Variants in EXD2 observed in about 807,000 individuals in gnomAD.
EXD2 encodes exonuclease 3'-5' domain-containing protein 2.
A neutral mutation model predicts 62.5 loss-of-function variants in EXD2; 40 were observed. The observed-to-expected ratio is 0.64, with a 90% CI of 0.50 to 0.83. The LOEUF (loss-of-function observed/expected upper bound fraction) is 0.83, where lower values mean the gene tolerates loss of function less well. Among genes scored for constraint, EXD2 ranks in the 40% least tolerant of loss-of-function variants. The pLI, the probability that EXD2 is intolerant of heterozygous loss-of-function variation, is 0.00. For synonymous variants in EXD2, 239 were observed against 291.9 expected (o/e 0.82, Z 1.85); for missense variants, 671 against 761.8 (o/e 0.88, Z 1.40).
chr14:69,223,404 A>G (rs1179264517), intron 3 of EXD2, among the ~76,000 whole-genome samples: 1 of 152,200 alleles, frequency 6.6e-6, no homozygotes, highest in Non-Finnish European at 1.5e-5. Context: ...AATCAGTGAG[A>G]CATTCTTCTC....
intron 8 of EXD2, 61 bp downstream of exon 8, chr14:69,236,603 A>G (rs1566841920): frequency 1.2e-6 from 2 of 1,609,604 alleles, no homozygotes; most frequent in Non-Finnish European, 1.7e-6. Flanking sequence ...TTTTGTAGCC[A>G]TATGCAGAGC....
At chr14:69,218,965 G>A (rs1726157041) in intron 3 of EXD2, among the ~76,000 whole-genome samples, 1 of 152,060 alleles carries the variant, frequency 6.6e-6, no homozygotes, top group South Asian at 2.1e-4. Flanking sequence ...TTGTTCTTTT[G>A]GCTTAGGATT....
chr14:69,208,047 C>T (rs1305062525), intron 2 of EXD2, among the ~76,000 whole-genome samples: 1 of 151,682 alleles, frequency 6.6e-6, no homozygotes, highest in Non-Finnish European at 1.5e-5. Context: ...TACAGGTGCC[C>T]ACCACCACGC....
At chr14:69,207,609 C>T (rs1020600384) in intron 2 of EXD2, among the ~76,000 whole-genome samples, 2 of 152,204 alleles carry the variant, frequency 1.3e-5, no homozygotes, top group African/African-American at 4.8e-5. Context: ...GCTGATTGCT[C>T]TGTCTTTGGG....
chr14:69,196,470 C>T (rs571009767), intron 1 of EXD2, among the ~76,000 whole-genome samples: 28 of 152,228 alleles, frequency 1.8e-4, no homozygotes, highest in Middle Eastern at 3.4e-3. Context: ...AACTTTAGTA[C>T]GGACATGTGT....
Position 69,230,507 on chromosome 14 carries a change from C to A in EXD2, c.626C>A (p.Ser209Tyr), listed in dbSNP as rs757019316. 1.9e-6 allele frequency: 3 copies of A among 1,613,628 alleles called. No homozygotes were observed. Among genetic ancestry groups the A allele is most frequent in the African/African-American group, 2.7e-5 (2 of 74,970 alleles). ...NLLCNGLSLK[S>Y]LAETVLNFPL... ...CTCTGTAATGGGCTTAGCCTGAAGT[C>A]CCTCGCTGAGACTGTTTTGAACTTT... Residue 209 changes from serine (S) to tyrosine (Y), a missense_variant, in exon 5 of 10, where the codon TCC becomes TAC. Ser to Tyr is a moderately radical substitution (Grantham distance 144, BLOSUM62 -2). Coordinates refer to ENST00000685843, the MANE Select transcript of EXD2 (RefSeq NM_001193360.2).
intron 9 of EXD2, among the ~76,000 whole-genome samples, chr14:69,240,629 G>A (rs1402213460): frequency 6.6e-6 from 1 of 152,116 alleles, no homozygotes; most frequent in East Asian, 1.9e-4. Flanking sequence ...CGTGGGAGCT[G>A]AACATTATGA....
intron 3 of EXD2, among the ~76,000 whole-genome samples, chr14:69,224,869 C>G (rs1333867261): frequency 6.6e-6 from 1 of 152,070 alleles, no homozygotes; most frequent in Admixed American, 6.6e-5. Context: ...GTCCCAGCTA[C>G]TCAGGAGGCT....
At chr14:69,220,198 C>G (rs2043120349) in intron 3 of EXD2, among the ~76,000 whole-genome samples, 1 of 145,000 alleles carries the variant, frequency 6.9e-6, no homozygotes, top group Non-Finnish European at 1.5e-5. Flanking sequence ...ACTCTTGCTC[C>G]TGTTTGAATG....
chr14:69,226,486 G>A (rs1166136372), intron 3 of EXD2, among the ~76,000 whole-genome samples: 4 of 152,148 alleles, frequency 2.6e-5, no homozygotes, highest in African/African-American at 9.7e-5. Context: ...GGTATCTCAC[G>A]CCTGTAATCA....
At chr14:69,231,196 T>C (rs1405679257) in intron 5 of EXD2, among the ~76,000 whole-genome samples, 2 of 152,224 alleles carry the variant, frequency 1.3e-5, no homozygotes, top group Non-Finnish European at 2.9e-5. Flanking sequence ...TTATAACTTA[T>C]TTTAAGAAGC....
intron 1 of EXD2, among the ~76,000 whole-genome samples, chr14:69,201,672 G>GTTTTTTGTTTTTTGTTTTTTTT (rs2042402768): frequency 1.7e-5 from 1 of 58,992 alleles, no homozygotes; most frequent in African/African-American, 6.8e-5. Context: ...TGTTTTCTCT[G>GTTTTTTGTTTTTTGTTTTTTTT]TTTTTTTTTT....
intron 3 of EXD2, chr14:69,213,840 T>C (rs1166334391): frequency 6.6e-6 from 1 of 152,066 alleles, no homozygotes; most frequent in Non-Finnish European, 1.5e-5. Flanking sequence ...ATTTTTTCTA[T>C]TTTTAGTAGA....
chr14:69,226,246 T>C (rs1408591668), intron 3 of EXD2, among the ~76,000 whole-genome samples: 1 of 152,176 alleles, frequency 6.6e-6, no homozygotes, highest in Admixed American at 6.5e-5. Context: ...TCCGGATGAA[T>C]TATTAGAGAA....
chr14:69,231,058 G>A (rs142532742), intron 5 of EXD2, among the ~76,000 whole-genome samples: 24 of 152,096 alleles, frequency 1.6e-4, no homozygotes, highest in Non-Finnish European at 2.8e-4. Flanking sequence ...GTGAGCTACC[G>A]AGCCTGGCCA....
chr14:69,215,534 C>T (rs146789976), intron 3 of EXD2, among the ~76,000 whole-genome samples: 218 of 152,186 alleles, frequency 1.4e-3, no homozygotes, highest in Middle Eastern at 0.01. Context: ...CCTTCCCATC[C>T]GTAGCATATG....
rs143696081 is a variant in EXD2 at position 69,200,799 on chromosome 14, C to T, written c.-131-3118C>T. Among the ~76,000 whole-genome samples the T allele has an allele frequency of 6.9e-3, 1,042 of 151,762 alleles. 12 individuals carry two copies. The highest frequency in any genetic ancestry group is 0.024 in the African/African-American group (990 of 41,392). On this transcript the variant is annotated intron_variant, in intron 1 of 9. Coordinates refer to ENST00000685843, the MANE Select transcript of EXD2 (RefSeq NM_001193360.2). ...CCATAAAAATCAGTATGAGGCCAGG[C>T]GTGGTGGCTCACGCCTGTAATCTCA... is the stretch of plus-strand genomic sequence containing the variant.
chr14:69,199,894 A>T (rs187404488), intron 1 of EXD2, among the ~76,000 whole-genome samples: 10 of 152,348 alleles, frequency 6.6e-5, no homozygotes, highest in Admixed American at 5.9e-4. Flanking sequence ...AAATAAATAA[A>T]CCAGTAACAT....
At chr14:69,192,030 C>G (rs1258341173) in intron 1 of EXD2, 3 of 152,272 alleles carry the variant, frequency 2.0e-5, no homozygotes, top group Non-Finnish European at 4.4e-5. Context: ...GTTTTCTCTC[C>G]TGGATTCGTG....
Sources: gnomAD v4.1 joint callset for allele counts (sites outside exome capture counted in the v4.1 genomes callset) on GRCh38, gnomAD v4.1.1 for gene constraint, MANE v1.5 for transcripts, NCBI Gene and HGNC (gene_info 2026-07-23, HGNC 2026-07-21) for gene names.